AFDN: variants seen among roughly 807,000 people sequenced by gnomAD.
The protein encoded by AFDN is afadin.
Under a neutral mutation model 216.6 loss-of-function variants are expected in AFDN, and 68 were observed. The ratio of observed to expected loss-of-function variants is 0.31; its 90% CI spans 0.26 to 0.38. The LOEUF is 0.38. AFDN is among the 10% of genes least tolerant of loss of function. AFDN has a pLI of 1.00. For synonymous variants in AFDN, 868 were observed against 853.7 expected, an observed-to-expected ratio of 1.02 and a Z score of -0.29; for missense variants, 2,136 against 2,342.0, an observed-to-expected ratio of 0.91 and a Z score of 1.82.
intron 29 of AFDN, among the ~76,000 whole-genome samples, chr6:167,949,177 T>TAG (rs1795681568): frequency 6.6e-6 from 1 of 152,232 alleles, no homozygotes; most frequent in South Asian, 2.1e-4. Context: ...TTTAGAGAGA[T>TAG]AACTGTTTGT....
At chr6:167,907,823 C>T (rs1789900488) in intron 13 of AFDN, among the ~76,000 whole-genome samples, 1 of 151,732 alleles carries the variant, frequency 6.6e-6, no homozygotes, top group South Asian at 2.1e-4. Flanking sequence ...TTTCTCTGGG[C>T]AGAGAACTGT....
intron 21 of AFDN, among the ~76,000 whole-genome samples, chr6:167,920,065 C>T (rs1240254810): frequency 6.6e-6 from 1 of 152,188 alleles, no homozygotes; most frequent in African/African-American, 2.4e-5. Context: ...ACCTCTGAGC[C>T]TTTCCAAAAG....
chr6:167,938,942 G>C (rs1794345168), intron 23 of AFDN, among the ~76,000 whole-genome samples: 1 of 152,128 alleles, frequency 6.6e-6, no homozygotes, highest in Non-Finnish European at 1.5e-5. Context: ...GGGTTTTAGG[G>C]AGAAATGAAA....
In AFDN at chr6:167,897,037, C is replaced by T. The variant is rs1336833994; in HGVS notation, c.1317+65C>T. 3.3e-5 allele frequency: 27 copies of T among 820,952 alleles called. No homozygotes were observed. The East Asian group carries it at 6.1e-4, about 19-fold the overall frequency. 50.9% of individuals were successfully genotyped at this position (820,952 alleles called of 1,614,324 possible). On this transcript the variant is annotated intron_variant, in intron 10 of 33. Coordinates refer to ENST00000683244, the MANE Select transcript of AFDN (RefSeq NM_001386888.1). ...AGGAGGCATAACGTATTGTACAGAG[C>T]CTGCCACATGGTAATGAAAGAAGGA...
At chr6:167,883,499 A>G (rs1275807505) in intron 6 of AFDN, among the ~76,000 whole-genome samples, 1 of 152,214 alleles carries the variant, frequency 6.6e-6, no homozygotes, top group East Asian at 1.9e-4. Flanking sequence ...ACCTGGAGGT[A>G]TATACAGGCA....
At chr6:167,947,718 A>AT (rs374211014) in intron 27 of AFDN, 135 bp from the exon 28 acceptor site, 12,548 of 484,124 alleles carry the variant, frequency 0.026, 651 homozygotes, top group African/African-American at 0.18. Flanking sequence ...ACCTGCCTTG[A>AT]TTTTTTTTTT....
chr6:167,930,190 G>C (rs1328297776), intron 23 of AFDN, among the ~76,000 whole-genome samples: 1 of 152,136 alleles, frequency 6.6e-6, no homozygotes, highest in Non-Finnish European at 1.5e-5. Context: ...AGGTAACAGG[G>C]CAAGACCCTG....
intron 7 of AFDN, 41 bp downstream of exon 7, chr6:167,889,367 T>C (rs2128332140): frequency 7.4e-7 from 1 of 1,343,760 alleles, no homozygotes; most frequent in Non-Finnish European, 1.1e-6. Flanking sequence ...CAGATTCCTA[T>C]GTGATATACC....
At chr6:167,937,660 A>C (rs555370270) in intron 23 of AFDN, among the ~76,000 whole-genome samples, 1 of 152,396 alleles carries the variant, frequency 6.6e-6, no homozygotes, top group African/African-American at 2.4e-5. Flanking sequence ...ATAAATTCTG[A>C]ATATATAAGA....
Position 167,924,869 on chromosome 6 carries a change from T to G in AFDN, c.3013-136T>G, listed in dbSNP as rs150827821. 225 of 753,500 alleles carry G rather than the reference T, an allele frequency of 3.0e-4. No individual in the cohort carries two copies. The African/African-American group carries it at 3.5e-3, about 12-fold the overall frequency. The allele number at this position is 753,500 out of a possible 1,614,324, so 46.7% of individuals were successfully genotyped here. A position where few individuals can be genotyped will look rare whatever the true frequency, so the allele number is the denominator to read the frequency against. On this transcript the variant is annotated intron_variant, in intron 22 of 33. Transcript: ENST00000683244. ...AGTATCTATATTAATTGAAATTTTTTTTACTGTTTATCTTCTCATCCTTTT... is the reference window on the plus strand; with the variant it reads ...AGTATCTATATTAATTGAAATTTTTGTTACTGTTTATCTTCTCATCCTTTT...
At position 167,907,197 on chromosome 6, in the gene AFDN, A is replaced by G. The variant is rs1337894529; in HGVS notation, c.1677A>G (p.Arg559=). 4.3e-6 allele frequency: 7 copies of G among 1,614,016 alleles called. No homozygotes were observed. Among genetic ancestry groups the G allele is most frequent in the Non-Finnish European group, 8.5e-7 (1 of 1,179,996 alleles). The change falls in exon 13 of 34, where the codon AGA becomes AGG. Residue 559 remains arginine, a synonymous_variant. Transcript: ENST00000683244. ...GCACCACTAGGCTGGACAGCGACAG[A>G]GTGTCGTCTGCCTCTAGCACAGCCG... ...SKSTTRLDSD[R]VSSASSTAER...
intron 1 of AFDN, among the ~76,000 whole-genome samples, chr6:167,859,843 T>C (rs1194813424): frequency 1.3e-5 from 2 of 152,006 alleles, no homozygotes; most frequent in Non-Finnish European, 2.9e-5. Flanking sequence ...GAATTTTGTT[T>C]TGGAGTTGAC....
In AFDN at chr6:167,951,677, G is replaced by C. The variant is rs747529600; in HGVS notation, c.4323G>C (p.Arg1441=). 1.2e-5 allele frequency: 19 copies of C among 1,613,818 alleles called. No individual in the cohort carries two copies. In the South Asian group the frequency reaches 2.1e-4, roughly 18 times the overall value. Residue 1441 remains arginine, a synonymous_variant, in exon 30 of 34, where the codon CGG becomes CGC. Coordinates refer to ENST00000683244, the MANE Select transcript of AFDN (RefSeq NM_001386888.1). The surrounding 1 kb of genome is among the most constrained non-coding windows in gnomAD (Gnocchi z 7.1). Reference sequence around the variant, plus strand: ...TGGAGGAGGAGCGGGAGAGGAAGCGGAGAGAGCAGGAGAGGAAGTTGGGCC... The same window carrying C: ...TGGAGGAGGAGCGGGAGAGGAAGCGCAGAGAGCAGGAGAGGAAGTTGGGCC... ...ARLEEERERK[R]REQERKLGQM... is the part of the protein sequence containing the mutation.
At chr6:167,956,138 A>AAAC (rs1796493685) in intron 30 of AFDN, among the ~76,000 whole-genome samples, 1 of 150,720 alleles carries the variant, frequency 6.6e-6, no homozygotes, top group Non-Finnish European at 1.5e-5. Context: ...AAAAAAAAAA[A>AAAC]AACTATAGAA....
intron 18 of AFDN, 117 bp from the exon 19 acceptor site, chr6:167,915,050 TA>T: frequency 9.6e-7 from 1 of 1,042,586 alleles, no homozygotes; most frequent in Non-Finnish European, 1.4e-6. Context: ...TTGATATTTT[TA>T]AAGTAATTAA....
intron 23 of AFDN, among the ~76,000 whole-genome samples, chr6:167,941,759 A>AG (rs11398765): frequency 0.044 from 2,517 of 56,800 alleles, 343 homozygotes; most frequent in East Asian, 0.28. Flanking sequence ...GGATAGACAC[A>AG]GAGGGATGTA....
chr6:167,892,501 A>G (rs1255782590), intron 8 of AFDN, among the ~76,000 whole-genome samples: 1 of 152,194 alleles, frequency 6.6e-6, no homozygotes, highest in African/African-American at 2.4e-5. Context: ...CCAAATCCAA[A>G]TTTTTGAGGA....
At chr6:167,857,193 A>G (rs1057453136) in intron 1 of AFDN, among the ~76,000 whole-genome samples, 1 of 151,758 alleles carries the variant, frequency 6.6e-6, no homozygotes, top group Non-Finnish European at 1.5e-5. Flanking sequence ...CAGTGTTGTC[A>G]TTTCCTGTGA....
intron 1 of AFDN, among the ~76,000 whole-genome samples, chr6:167,860,478 T>C (rs1783435785): frequency 6.6e-6 from 1 of 152,178 alleles, no homozygotes; most frequent in African/African-American, 2.4e-5. Flanking sequence ...TATATTCTAG[T>C]GGGAGAGACT....
Sources: allele counts gnomAD v4.1 joint callset (sites outside exome capture counted in the v4.1 genomes callset), GRCh38; gene constraint gnomAD v4.1.1; non-coding constraint Gnocchi (gnomAD v3.1); transcripts MANE v1.5; gene names NCBI Gene and HGNC (gene_info 2026-07-23, HGNC 2026-07-21).